PREX1: variants seen among roughly 807,000 people sequenced by gnomAD.
PREX1 encodes the protein phosphatidylinositol-3,4,5-trisphosphate dependent Rac exchange factor 1, also known as phosphatidylinositol 3,4,5-trisphosphate-dependent Rac exchanger 1 protein.
Under a neutral mutation model 198.3 loss-of-function variants are expected in PREX1, and 41 were observed. The observed-to-expected ratio is 0.21, with a 90% CI of 0.16 to 0.27. PREX1 has a LOEUF of 0.27. Among genes scored for constraint, PREX1 ranks in the 10% least tolerant of loss-of-function variants. The probability of loss-of-function intolerance (pLI) is 1.00; values close to 1 mark genes in which losing one functional copy is unlikely to be tolerated. For missense variants in PREX1, 1,620 were observed against 2,200.7 expected, an observed-to-expected ratio of 0.74 and a Z score of 5.28; for synonymous variants, 843 against 887.2, an observed-to-expected ratio of 0.95 and a Z score of 0.89.
chr20:48,858,788 T>C, the PREX1 span, among the ~76,000 whole-genome samples: 1 of 152,268 alleles, frequency 6.6e-6, no homozygotes, highest in Non-Finnish European at 1.5e-5. Flanking sequence ...CTTTCTTTAA[T>C]GTAGGCAGCT....
intron 1 of PREX1, among the ~76,000 whole-genome samples, chr20:48,766,175 A>G (rs886173676): frequency 6.6e-6 from 1 of 152,190 alleles, no homozygotes; most frequent in Non-Finnish European, 1.5e-5. Context: ...TAATAATAGA[A>G]ACAAAGTATA....
intron 15 of PREX1, among the ~76,000 whole-genome samples, chr20:48,663,818 T>C (rs1020958498): frequency 2.6e-5 from 4 of 152,196 alleles, no homozygotes; most frequent in African/African-American, 9.6e-5. Context: ...TCCCCTGGAC[T>C]ATCATGACCA....
intron 23 of PREX1, among the ~76,000 whole-genome samples, 168 bp downstream of exon 23, chr20:48,650,726 A>G (rs1431149506): frequency 6.6e-6 from 1 of 152,240 alleles, no homozygotes; most frequent in Non-Finnish European, 1.5e-5. Flanking sequence ...CCGCACTGCT[A>G]TGATGTGATA....
intron 3 of PREX1, among the ~76,000 whole-genome samples, chr20:48,739,631 T>C (rs1161937299): frequency 6.6e-6 from 1 of 152,202 alleles, no homozygotes; most frequent in Non-Finnish European, 1.5e-5. Context: ...ACGAGCCGCG[T>C]GGCAGCACGG....
intron 5 of PREX1, among the ~76,000 whole-genome samples, chr20:48,725,001 C>T (rs1344629201): frequency 2.0e-5 from 3 of 152,206 alleles, no homozygotes; most frequent in African/African-American, 7.2e-5. Flanking sequence ...CCAGAGGAGG[C>T]ATGGGAGAGC....
chr20:48,695,975 C>T (rs935149176), intron 7 of PREX1, among the ~76,000 whole-genome samples: 1 of 152,222 alleles, frequency 6.6e-6, no homozygotes, highest in Non-Finnish European at 1.5e-5. Flanking sequence ...AGTCTGGCTA[C>T]AGAAGGGCCT....
chr20:48,748,027 G>A (rs779113616), intron 1 of PREX1, 147 bp from the exon 2 acceptor site: 9 of 709,538 alleles, frequency 1.3e-5, no homozygotes, highest in African/African-American at 8.7e-5. Flanking sequence ...GAGGAAAAAC[G>A]TGCTCTGCTT....
chr20:48,705,925 G>C (rs766128570), intron 6 of PREX1, among the ~76,000 whole-genome samples: 3 of 152,138 alleles, frequency 2.0e-5, no homozygotes, highest in Non-Finnish European at 4.4e-5. Flanking sequence ...CTCGAGACAG[G>C]GCAGTCTATA....
intron 5 of PREX1, among the ~76,000 whole-genome samples, 157 bp downstream of exon 5, chr20:48,726,133 G>A (rs1474640082): frequency 2.0e-5 from 3 of 152,232 alleles, no homozygotes; most frequent in Non-Finnish European, 2.9e-5. Context: ...GTGGAAAGCA[G>A]GGTGAACGAG....
the PREX1 span, among the ~76,000 whole-genome samples, chr20:48,879,917 G>A: frequency 3.9e-5 from 6 of 152,118 alleles, no homozygotes; most frequent in African/African-American, 1.2e-4. Flanking sequence ...AATACACTAT[G>A]GCTGGCCTAA....
At chr20:48,829,934 A>C (rs954409632), upstream of PREX1, among the ~76,000 whole-genome samples, 1 of 152,202 alleles carries the variant, frequency 6.6e-6, no homozygotes, top group Non-Finnish European at 1.5e-5. Flanking sequence ...AGACTTTCTC[A>C]ACCTTGGGAC....
At chr20:48,640,379 AC>A (rs1473956360) in intron 29 of PREX1, among the ~76,000 whole-genome samples, 2 of 152,210 alleles carry the variant, frequency 1.3e-5, no homozygotes, top group East Asian at 3.8e-4. Flanking sequence ...GCTGGGACTT[AC>A]CTCTGGCCCC....
the PREX1 span, among the ~76,000 whole-genome samples, chr20:48,842,260 C>T: frequency 6.6e-6 from 1 of 152,162 alleles, no homozygotes; most frequent in African/African-American, 2.4e-5. Flanking sequence ...ATACTTTCTC[C>T]TACCAATAAC....
chr20:48,827,694 T>A lies in PREX1; in HGVS notation c.167A>T (p.Glu56Val). The A allele has an allele frequency of 7.2e-7, 1 of 1,383,346 alleles. No homozygotes were observed. Among genetic ancestry groups the A allele is most frequent in the Non-Finnish European group, 9.5e-7 (1 of 1,054,696 alleles). 85.7% of individuals were successfully genotyped at this position (1,383,346 alleles called of 1,614,324 possible). A position where few individuals can be genotyped will look rare whatever the true frequency, so the allele number is the denominator to read the frequency against. Residue 56 changes from glutamate to valine, a missense_variant, in exon 1 of 40, where the codon GAG (glutamate) becomes GTG (valine). This residue lies in a region of PREX1 where 96 missense variants were observed against 98.7 expected (regional missense o/e 0.97). Coordinates refer to ENST00000371941, the MANE Select transcript of PREX1 (RefSeq NM_020820.4). This position sits in a 1 kb window ranked among gnomAD's most constrained non-coding sequence, Gnocchi z 4.1. ...GTAGTCCCTCTCGGTGCCCAAGATCTCGTTGAGGACGCAGAGGCGGAGGCG... is the reference window on the plus strand; with the variant it reads ...GTAGTCCCTCTCGGTGCCCAAGATCACGTTGAGGACGCAGAGGCGGAGGCG... Reference protein sequence around the residue: ...QLRLRLCVLNEILGTERDYVG... With the variant: ...QLRLRLCVLNVILGTERDYVG...
At chr20:48,732,803 G>A (rs562621612) in intron 4 of PREX1, among the ~76,000 whole-genome samples, 1 of 152,152 alleles carries the variant, frequency 6.6e-6, no homozygotes, top group Non-Finnish European at 1.5e-5. Context: ...CGTGAGGGGA[G>A]GAGATGTGTG....
intron 10 of PREX1, among the ~76,000 whole-genome samples, chr20:48,683,175 T>C (rs1031268034): frequency 1.3e-5 from 2 of 152,176 alleles, no homozygotes; most frequent in Admixed American, 6.5e-5. Context: ...AACAGATGTT[T>C]GAGTGCCCAC....
the PREX1 span, among the ~76,000 whole-genome samples, chr20:48,859,701 G>T: frequency 6.6e-6 from 1 of 152,144 alleles, no homozygotes. Context: ...TTCCACTTCT[G>T]GGTATATAAC....
At chr20:48,874,019 G>C in the PREX1 span, among the ~76,000 whole-genome samples, 1 of 152,068 alleles carries the variant, frequency 6.6e-6, no homozygotes. Context: ...GAGTAGCTGG[G>C]ACTACAGGCA....
chr20:48,833,812 G>A, the PREX1 span, among the ~76,000 whole-genome samples: 77 of 152,234 alleles, frequency 5.1e-4, no homozygotes, highest in Non-Finnish European at 9.6e-4. Flanking sequence ...AGCCGGGCGC[G>A]GTGGCTCACA....
Sources: allele counts gnomAD v4.1 joint callset (sites outside exome capture counted in the v4.1 genomes callset), GRCh38; gene constraint gnomAD v4.1.1; regional missense constraint gnomAD v4.1.1; non-coding constraint Gnocchi (gnomAD v3.1); transcripts MANE v1.5; gene names NCBI Gene and HGNC (gene_info 2026-07-23, HGNC 2026-07-21).